AXIN1: variants seen among roughly 807,000 people sequenced by gnomAD.
The protein encoded by AXIN1 is axin 1.
A neutral mutation model predicts 76.4 loss-of-function variants in AXIN1; 30 were observed. The ratio of observed to expected loss-of-function variants is 0.39; its 90% CI spans 0.29 to 0.53. The LOEUF is 0.53. AXIN1 is among the 20% of genes least tolerant of loss of function. The probability of loss-of-function intolerance (pLI) is 0.66; values close to 1 mark genes in which losing one functional copy is unlikely to be tolerated. For missense variants in AXIN1, 1,140 were observed against 1,198.8 expected (o/e 0.95, Z 0.72); for synonymous variants, 545 against 501.4 (o/e 1.09, Z -1.16).
rs1208682979 is a variant in AXIN1, at chr16:294,782, G to T, written c.1956-1064C>A. On this transcript the variant is annotated intron_variant, in intron 7 of 10. Transcript: ENST00000262320. ...AAAAAAAAAAAAAAAAAAAAAAAAG[G>T]CCAGGCGCGGTGGCTCACGCCTGTA... Among the ~76,000 whole-genome samples the T allele has an allele frequency of 2.3e-5, 3 of 131,176 alleles. No homozygotes were observed. In the South Asian group the frequency reaches 7.0e-4, roughly 31 times the overall value. The allele number at this position is 131,176 out of a possible 152,430, so 86.1% of individuals were successfully genotyped here.
chr16:319,422 G>A (rs1409538708), intron 2 of AXIN1, among the ~76,000 whole-genome samples: 1 of 152,208 alleles, frequency 6.6e-6, no homozygotes, highest in Admixed American at 6.5e-5. Flanking sequence ...GGAGCGGTGA[G>A]GAGGCGCTGA....
Position 322,706 on chromosome 16 carries a change from C to T in AXIN1, c.879-8023G>A, listed in dbSNP as rs759833776. On this transcript the variant is annotated intron_variant, in intron 2 of 10. Transcript: ENST00000262320. The stretch of plus-strand genomic sequence containing the variant: ...GAGGATGGTGGGTGAATCCTACACA[C>T]AGAATCGCTGGCTCCCGGGGACCCT... 3.9e-5 allele frequency among the ~76,000 whole-genome samples: 6 copies of T among 152,354 alleles called. No individual in the cohort carries two copies. The East Asian group carries it at 7.7e-4, about 20-fold the overall frequency.
At chr16:320,743 A>ATATAT (rs397722732) in intron 2 of AXIN1, among the ~76,000 whole-genome samples, 2,726 of 107,500 alleles carry the variant, frequency 0.025, 61 homozygotes, top group Non-Finnish European at 0.03. Flanking sequence ...ATATATATAT[A>ATATAT]TTTTTTTTTT....
chr16:291,155 G>A, intron 9 of AXIN1, 35 bp downstream of exon 9: 2 of 1,546,722 alleles, frequency 1.3e-6, no homozygotes, highest in East Asian at 2.4e-5. Flanking sequence ...GGGCTGGGGT[G>A]GGCAGGACCG....
At chr16:312,693 G>A (rs1006655865) in intron 3 of AXIN1, among the ~76,000 whole-genome samples, 2 of 137,494 alleles carry the variant, frequency 1.5e-5, no homozygotes, top group African/African-American at 7.1e-5. Context: ...AAAGAAACCA[G>A]GAGAAGCCAC....
intron 5 of AXIN1, among the ~76,000 whole-genome samples, chr16:301,233 T>C (rs959588142): frequency 6.7e-6 from 1 of 148,742 alleles, no homozygotes; most frequent in African/African-American, 2.5e-5. Context: ...ATCGTGCCAC[T>C]GCACTCCAGC....
intron 9 of AXIN1, chr16:289,978 A>C: frequency 5.2e-6 from 2 of 381,070 alleles, no homozygotes; most frequent in Non-Finnish European, 1.0e-5. Context: ...TCTGAAGGGC[A>C]GGGATTGGAC....
At chr16:323,445 A>AC (rs1415646787) in intron 2 of AXIN1, among the ~76,000 whole-genome samples, 1 of 150,106 alleles carries the variant, frequency 6.7e-6, no homozygotes, top group Non-Finnish European at 1.5e-5. Context: ...TCTCAAAAAA[A>AC]AAAAAAAAGA....
At chr16:344,958 G>A (rs767505920) in intron 2 of AXIN1, among the ~76,000 whole-genome samples, 3 of 152,136 alleles carry the variant, frequency 2.0e-5, no homozygotes, top group African/African-American at 4.8e-5. Context: ...CTGTGCTTTC[G>A]GAGTCTTGAT....
intron 2 of AXIN1, among the ~76,000 whole-genome samples, chr16:339,633 G>C (rs550060950): frequency 1.2e-3 from 184 of 151,818 alleles, no homozygotes; most frequent in African/African-American, 3.8e-3. Flanking sequence ...AGTAAGCCGA[G>C]ATGGTGCCAC....
chr16:297,256 G>A (rs188403882), intron 6 of AXIN1, 30 bp from the exon 7 acceptor site: 2 of 1,600,934 alleles, frequency 1.2e-6, no homozygotes, highest in East Asian at 2.2e-5. Flanking sequence ...GAGTCGCCCT[G>A]GCCTCCGGTG....
chr16:340,029 TTTTC>T (rs1329212773), intron 2 of AXIN1, among the ~76,000 whole-genome samples: 1 of 151,618 alleles, frequency 6.6e-6, no homozygotes, highest in Admixed American at 6.6e-5. Flanking sequence ...GGCCCTTTCT[TTTTC>T]TTCTTCTTCT....
chr16:332,455 T>C (rs1221022772), intron 2 of AXIN1, among the ~76,000 whole-genome samples: 1 of 151,642 alleles, frequency 6.6e-6, no homozygotes, highest in Admixed American at 6.6e-5. Flanking sequence ...CGGGCGCCTG[T>C]AGTCCCAGCT....
At chr16:318,672 C>T (rs948798723) in intron 2 of AXIN1, among the ~76,000 whole-genome samples, 5 of 152,208 alleles carry the variant, frequency 3.3e-5, no homozygotes, top group African/African-American at 7.2e-5. Context: ...CCTGCCTGTG[C>T]GTGCGCCTAT....
At chr16:307,137 G>A (rs1369207696) in intron 4 of AXIN1, among the ~76,000 whole-genome samples, 4 of 152,170 alleles carry the variant, frequency 2.6e-5, no homozygotes, top group African/African-American at 7.2e-5. Flanking sequence ...AGACAGACGC[G>A]CTTATGGTCT....
intron 2 of AXIN1, among the ~76,000 whole-genome samples, chr16:315,878 C>A (rs1418882492): frequency 4.3e-5 from 6 of 140,528 alleles, no homozygotes; most frequent in Non-Finnish European, 7.7e-5. Context: ...CATGGTGAAA[C>A]CCCATCTCTA....
At chr16:349,360 G>A (rs1017988542) in intron 1 of AXIN1, among the ~76,000 whole-genome samples, 6 of 152,140 alleles carry the variant, frequency 3.9e-5, no homozygotes, top group Admixed American at 6.6e-5. Context: ...CATCAGCATG[G>A]AGGGAGCACC....
intron 2 of AXIN1, among the ~76,000 whole-genome samples, chr16:319,140 G>A (rs17136099): frequency 0.081 from 12,351 of 152,170 alleles, 1,544 homozygotes; most frequent in African/African-American, 0.27. Flanking sequence ...GTAGAGCCAG[G>A]TAGTGACAGA....
At chr16:320,380 G>T (rs1330663594) in intron 2 of AXIN1, among the ~76,000 whole-genome samples, 1 of 152,130 alleles carries the variant, frequency 6.6e-6, no homozygotes, top group African/African-American at 2.4e-5. Flanking sequence ...GAACTGCAAA[G>T]GGGTAAATGC....
Sources: allele counts gnomAD v4.1 joint callset (sites outside exome capture counted in the v4.1 genomes callset), GRCh38; gene constraint gnomAD v4.1.1; transcripts MANE v1.5; gene names NCBI Gene and HGNC (gene_info 2026-07-23, HGNC 2026-07-21).